CDHR4: variants seen among roughly 807,000 people sequenced by gnomAD.
CDHR4 encodes cadherin related family member 4.
CDHR4 carries 89 observed loss-of-function variants against 88.4 expected under a neutral mutation model. The observed-to-expected ratio is 1.01, with a 90% CI of 0.85 to 1.20. The LOEUF is 1.20. CDHR4 is among the 50% of genes most tolerant of loss of function. The pLI is 0.00. For synonymous variants in CDHR4, 368 were observed against 399.2 expected, an observed-to-expected ratio of 0.92 and a Z score of 0.93; for missense variants, 914 against 1,007.2, an observed-to-expected ratio of 0.91 and a Z score of 1.25.
At chr3:49,798,797 T>C in intron 4 of CDHR4, 29 bp downstream of exon 4, 1 of 1,604,248 alleles carries the variant, frequency 6.2e-7, no homozygotes, top group Non-Finnish European at 8.5e-7. Context: ...CCCCATCCTG[T>C]CACCCACCGT....
In CDHR4 at chr3:49,793,726, G is replaced by C; in HGVS notation, c.1484-4C>G. 1 of 1,551,726 alleles carries C rather than the reference G, an allele frequency of 6.4e-7. No homozygotes were observed. Among genetic ancestry groups the C allele is most frequent in the African/African-American group, 1.4e-5 (1 of 73,184 alleles). On this transcript the variant is annotated splice_region_variant and splice_polypyrimidine_tract_variant and intron_variant, in intron 11 of 18. Transcript: ENST00000412678. ...GGTCCCAGGAGGTGAACTTCCCCTA[G>C]AGGGGGAGACCACAGCTTCAGCCTG...
Position 49,794,397 on chromosome 3 carries a change from CA to C in CDHR4, c.1279+210del, listed in dbSNP as rs796273248. On this transcript the variant is annotated intron_variant, in intron 10 of 18. Transcript: ENST00000412678. The stretch of plus-strand genomic sequence containing the variant: ...TGGGTGACAGAGCAAAACTCCGTCT[CA>C]AAAAAAAAAAAAGAGAGTGAGAGGG... Among the ~76,000 whole-genome samples the C allele has an allele frequency of 1.3e-3, 170 of 133,068 alleles. 1 individual carries two copies. The highest frequency in any genetic ancestry group is 4.0e-3 in the Middle Eastern group (1 of 252). 87.3% of individuals were successfully genotyped at this position (133,068 alleles called of 152,430 possible). A position where few individuals can be genotyped will look rare whatever the true frequency, so the allele number is the denominator to read the frequency against.
At chr3:49,794,786 C>T (rs1420696758) in intron 9 of CDHR4, 85 bp from the exon 10 acceptor site, 1 of 1,426,970 alleles carries the variant, frequency 7.0e-7, no homozygotes, top group African/African-American at 1.4e-5. Context: ...CCAGGGCATC[C>T]ACAAATATCT....
In CDHR4 at chr3:49,795,461, GCCAGC is replaced by G; in HGVS notation, c.848-87_848-83del. On this transcript the variant is annotated intron_variant, in intron 7 of 18. Coordinates refer to ENST00000412678, the MANE Select transcript of CDHR4 (RefSeq NM_001007540.4). This position sits in a 1 kb window ranked among gnomAD's most constrained non-coding sequence, Gnocchi z 5.4. The stretch of plus-strand genomic sequence containing the variant: ...CGCCTCCCAGCTCAGTCCCACTCCT[GCCAGC>G]CCACCAGATCCATAGGCAAAGGAGG... 1 of 1,505,416 alleles carries G rather than the reference GCCAGC, an allele frequency of 6.6e-7. No individual in the cohort carries two copies. The allele number at this position is 1,505,416 out of a possible 1,614,324, so 93.3% of individuals were successfully genotyped here.
upstream of CDHR4, among the ~76,000 whole-genome samples, chr3:49,801,249 T>C (rs1266843334): frequency 6.6e-6 from 1 of 152,192 alleles, no homozygotes; most frequent in East Asian, 1.9e-4. Context: ...CAATGCTTGC[T>C]CCCCTTGGGT....
chr3:49,794,397 CAA>C (rs796273248), intron 10 of CDHR4, among the ~76,000 whole-genome samples: 4 of 133,252 alleles, frequency 3.0e-5, no homozygotes, highest in Admixed American at 1.5e-4. Context: ...AACTCCGTCT[CAA>C]AAAAAAAAAA....
chr3:49,799,619 G>T, intron 1 of CDHR4, 145 bp downstream of exon 1: 1 of 1,055,916 alleles, frequency 9.5e-7, no homozygotes, highest in Non-Finnish European at 1.4e-6. Flanking sequence ...CTGAGGAAGT[G>T]GCCAAGAGAA....
chr3:49,790,995 G>A (rs942065678), intron 18 of CDHR4, 108 bp from the exon 19 acceptor site: 3 of 837,274 alleles, frequency 3.6e-6, no homozygotes, highest in Non-Finnish European at 5.6e-6. Context: ...AGGACCCTCA[G>A]TGTGACATCC....
At position 49,796,026 on chromosome 3, in the gene CDHR4, T is replaced by C; in HGVS notation, c.627A>G (p.Ser209=). The C allele has an allele frequency of 1.3e-6, 2 of 1,532,914 alleles. No homozygotes were observed. The highest frequency in any genetic ancestry group is 8.8e-7 in the Non-Finnish European group (1 of 1,140,004). 95.0% of individuals were successfully genotyped at this position (1,532,914 alleles called of 1,614,324 possible). The change falls in exon 6 of 19, where the codon TCA becomes TCG. Residue 209 remains serine (S), a synonymous_variant. Coordinates refer to ENST00000412678, the MANE Select transcript of CDHR4 (RefSeq NM_001007540.4). ...QAQKVFQLQI[S]VSFGQRQSCQ... Reference sequence around the variant, plus strand: ...AGCTTTGCCTTTGTCCAAAGGACACTGAGATTTGCAGCTGGAAGACCTGTG... The same window carrying C: ...AGCTTTGCCTTTGTCCAAAGGACACCGAGATTTGCAGCTGGAAGACCTGTG...
intron 10 of CDHR4, 26 bp downstream of exon 10, chr3:49,794,582 T>C (rs1047168034): frequency 6.5e-7 from 1 of 1,529,072 alleles, no homozygotes; most frequent in East Asian, 2.5e-5. Flanking sequence ...TTGTCCTGGG[T>C]GTCCAGGCCG....
rs1424248888 is a variant in CDHR4, at chr3:49,792,092, C to T, written c.2139-133G>A. On this transcript the variant is annotated intron_variant, in intron 15 of 18. Coordinates refer to ENST00000412678, the MANE Select transcript of CDHR4 (RefSeq NM_001007540.4). ...ATGCAGTGCCCACATTGTTACATCCCCTTTCCCTGGGCTCAGTCCTATGTC... is the reference window on the plus strand; with the variant it reads ...ATGCAGTGCCCACATTGTTACATCCTCTTTCCCTGGGCTCAGTCCTATGTC... 3.3e-6 allele frequency: 3 copies of T among 922,818 alleles called. No homozygotes were observed. In the East Asian group the frequency reaches 7.9e-5, roughly 24 times the overall value. The allele number at this position is 922,818 out of a possible 1,614,324, so 57.2% of individuals were successfully genotyped here.
Position 49,792,534 on chromosome 3 carries a change from A to G in CDHR4, c.2072T>C (p.Val691Ala), listed in dbSNP as rs1273631343. 7 of 1,551,588 alleles carry G rather than the reference A, an allele frequency of 4.5e-6. No homozygotes were observed. In the Admixed American group the frequency reaches 7.8e-5, roughly 17 times the overall value. Residue 691 changes from valine (V) to alanine (A), a missense_variant, in exon 15 of 19, where the codon GTG (valine) becomes GCG (alanine). Transcript: ENST00000412678. ...FWQPQPWFVV[V>A]LTATGALLLL... ...GAGAAGAGCACCAGTTGCTGTCAAC[A>G]CCACCACAAACCAGGGCTGTGGCTG...
In CDHR4 at chr3:49,793,813, G is replaced by A; in HGVS notation, c.1473C>T (p.Asp491=). Residue 491 remains aspartate (D), a synonymous_variant, in exon 11 of 19, where the codon GAC becomes GAT. Transcript: ENST00000412678. ...TSGGPTTFAV[D]RLSGEVHLLG... is the part of the protein sequence containing the mutation. Reference sequence around the variant, plus strand: ...CTGGGGTGGATGTACCGCTGAGACGGTCCACAGCAAAGGTGGTAGGACCAC... The same window carrying A: ...CTGGGGTGGATGTACCGCTGAGACGATCCACAGCAAAGGTGGTAGGACCAC... The A allele has an allele frequency of 6.4e-7, 1 of 1,551,768 alleles. No individual in the cohort carries two copies. Among genetic ancestry groups the A allele is most frequent in the Non-Finnish European group, 8.7e-7 (1 of 1,146,996 alleles).
intron 5 of CDHR4, among the ~76,000 whole-genome samples, chr3:49,796,461 C>T (rs1257994303): frequency 3.9e-5 from 6 of 152,030 alleles, no homozygotes; most frequent in Admixed American, 1.3e-4. Flanking sequence ...CTCAGCCTCC[C>T]GAGTAGCTGG....
chr3:49,793,133 A>T, intron 13 of CDHR4, 28 bp downstream of exon 13: 1 of 1,550,876 alleles, frequency 6.4e-7, no homozygotes, highest in Non-Finnish European at 8.7e-7. Context: ...CCCCTCACTC[A>T]CAACCTGGTG....
rs773787897 is a variant in CDHR4 at position 49,795,649 on chromosome 3, G to T, written c.826C>A (p.Pro276Thr). The change falls in exon 7 of 19, where the codon CCA becomes ACA. Residue 276 changes from proline (P) to threonine (T), a missense_variant. Physicochemically the swap from Pro to Thr is conservative, Grantham distance 38. Transcript: ENST00000412678. This position sits in a 1 kb window ranked among gnomAD's most constrained non-coding sequence, Gnocchi z 5.4. ...RYEILSPVPS[P>T]LFSIGRADGV... ...TCACCACGACCAATGGAGAAGAGTGGGCTGGGCACCGGAGACAGGATTTCA... is the reference window on the plus strand; with the variant it reads ...TCACCACGACCAATGGAGAAGAGTGTGCTGGGCACCGGAGACAGGATTTCA... 5.9e-5 allele frequency: 92 copies of T among 1,551,556 alleles called. No homozygotes were observed. Among genetic ancestry groups the T allele is most frequent in the Non-Finnish European group, 7.8e-5 (90 of 1,146,988 alleles).
At chr3:49,801,642 GT>G (rs532285961), upstream of CDHR4, among the ~76,000 whole-genome samples, 22 of 152,358 alleles carry the variant, frequency 1.4e-4, no homozygotes, top group South Asian at 4.6e-3. Context: ...TCCCAGATCA[GT>G]TTATGGCAAT....
At chr3:49,800,646 G>C (rs931144412), upstream of CDHR4, among the ~76,000 whole-genome samples, 1 of 152,212 alleles carries the variant, frequency 6.6e-6, no homozygotes, top group African/African-American at 2.4e-5. Flanking sequence ...GTGGCATCCA[G>C]GAGTTGCTGA....
intron 18 of CDHR4, among the ~76,000 whole-genome samples, 168 bp from the exon 19 acceptor site, chr3:49,791,055 C>G (rs1483470635): frequency 6.6e-6 from 1 of 152,166 alleles, no homozygotes; most frequent in East Asian, 1.9e-4. Flanking sequence ...TCAGCAAATT[C>G]TCTCAACTCT....
Sources: gnomAD v4.1 joint callset for allele counts (sites outside exome capture counted in the v4.1 genomes callset) on GRCh38, gnomAD v4.1.1 for gene constraint, Gnocchi (gnomAD v3.1) non-coding constraint, MANE v1.5 for transcripts, NCBI Gene and HGNC (gene_info 2026-07-23, HGNC 2026-07-21) for gene names.